Variants in ZC4H2 observed in about 807,000 individuals in gnomAD.
The protein encoded by ZC4H2 is zinc finger C4H2-type containing, also known as zinc finger C4H2 domain-containing protein.
For missense variants in ZC4H2, 137 were observed against 173.9 expected (o/e 0.79, Z 1.19); for synonymous variants, 84 against 66.3 (o/e 1.27, Z -1.30).
chrX:65,009,278 GA>G, intron 1 of ZC4H2, among the ~76,000 whole-genome samples: 1 of 111,553 alleles, frequency 9.0e-6, no homozygotes, highest in Admixed American at 9.5e-5. Flanking sequence ...AGTGCAGGGA[GA>G]ATGGGTAGCT....
chrX:65,008,945 A>G (rs1324414799), intron 1 of ZC4H2, among the ~76,000 whole-genome samples: 1 of 111,545 alleles, frequency 9.0e-6, no homozygotes, highest in Non-Finnish European at 1.9e-5. Context: ...CTATATCTCA[A>G]TATAACTAAA....
chrX:64,989,212 G>A (rs1157716911), intron 1 of ZC4H2, among the ~76,000 whole-genome samples: 1 of 111,573 alleles, frequency 9.0e-6, no homozygotes, highest in Admixed American at 9.5e-5. Context: ...GCTCTTCTTT[G>A]GTTCCATATG....
chrX:64,978,305 A>G (rs1932009208), upstream of ZC4H2, among the ~76,000 whole-genome samples: 1 of 111,994 alleles, frequency 8.9e-6, no homozygotes, highest in Non-Finnish European at 1.9e-5. Flanking sequence ...TTTGGATCCA[A>G]GATGTAATAA....
At chrX:64,964,409 C>G (rs1427976125) in intron 1 of ZC4H2, among the ~76,000 whole-genome samples, 2 of 111,034 alleles carry the variant, frequency 1.8e-5, no homozygotes, top group African/African-American at 6.5e-5. Flanking sequence ...TCACACCAAG[C>G]TATATCATAA....
chrX:65,001,897 C>T (rs978072743), intron 1 of ZC4H2, among the ~76,000 whole-genome samples: 1 of 111,574 alleles, frequency 9.0e-6, no homozygotes, highest in African/African-American at 3.3e-5. Flanking sequence ...GCTAACTATC[C>T]TAAATATATA....
At chrX:64,925,690 G>T (rs1479919443) in intron 1 of ZC4H2, among the ~76,000 whole-genome samples, 2 of 112,022 alleles carry the variant, frequency 1.8e-5, no homozygotes, top group Non-Finnish European at 3.8e-5. Context: ...TTGGGCAAGA[G>T]ACATTAATGC....
At chrX:65,003,704 C>G (rs5964894) in intron 1 of ZC4H2, among the ~76,000 whole-genome samples, 1 of 109,431 alleles carries the variant, frequency 9.1e-6, no homozygotes, top group Non-Finnish European at 1.9e-5. Context: ...GGCGAAACCC[C>G]GTCTCTATTA....
intron 1 of ZC4H2, among the ~76,000 whole-genome samples, chrX:64,937,597 T>G (rs750966737): frequency 1.3e-4 from 15 of 111,761 alleles, no homozygotes; most frequent in Admixed American, 1.3e-3. Context: ...CAGACCACAG[T>G]GCAATTAAAT....
intron 1 of ZC4H2, among the ~76,000 whole-genome samples, chrX:64,992,049 G>A (rs1207006527): frequency 9.0e-6 from 1 of 111,325 alleles, no homozygotes; most frequent in Admixed American, 9.6e-5. Context: ...TTCTTAATGG[G>A]TATGAGGTAT....
chrX:64,948,153 C>A (rs1930628347), intron 1 of ZC4H2, among the ~76,000 whole-genome samples: 1 of 110,889 alleles, frequency 9.0e-6, no homozygotes, highest in African/African-American at 3.3e-5. Flanking sequence ...GGTTTTGGAG[C>A]TTCATGGATT....
At chrX:64,918,000 TCAG>T (rs750302382) in intron 4 of ZC4H2, 104 bp from the exon 5 acceptor site, 1 of 957,760 alleles carries the variant, frequency 1.0e-6, no homozygotes, top group East Asian at 3.4e-5. Flanking sequence ...TGATTTCCCA[TCAG>T]AAGAGAGCAA....
chrX:65,031,710 A>G (rs1250265329), intron 1 of ZC4H2, among the ~76,000 whole-genome samples: 1 of 112,076 alleles, frequency 8.9e-6, no homozygotes, highest in African/African-American at 3.2e-5. Context: ...TATAATGCAC[A>G]CATATTTCCA....
chrX:64,999,037 GTGT>G (rs1932474924), intron 1 of ZC4H2, among the ~76,000 whole-genome samples: 1 of 12,565 alleles, frequency 8.0e-5, no homozygotes, highest in Non-Finnish European at 1.5e-4. Context: ...GTTGGATTAT[GTGT>G]TTTTTTTTTT....
intron 1 of ZC4H2, among the ~76,000 whole-genome samples, chrX:64,954,029 G>A (rs982243989): frequency 2.8e-5 from 3 of 108,414 alleles, no homozygotes; most frequent in Non-Finnish European, 5.7e-5. Flanking sequence ...GGACATGGAT[G>A]AAGCTGGAAA....
chrX:64,968,452 C>T (rs1304599637), intron 1 of ZC4H2, among the ~76,000 whole-genome samples: 2 of 111,354 alleles, frequency 1.8e-5, no homozygotes, highest in South Asian at 3.8e-4. Context: ...TGAAATAGTG[C>T]ACTTCATGGA....
At chrX:65,023,584 G>A (rs1932853069) in intron 1 of ZC4H2, among the ~76,000 whole-genome samples, 1 of 111,873 alleles carries the variant, frequency 8.9e-6, no homozygotes, top group African/African-American at 3.3e-5. Context: ...TTAGAATGGT[G>A]ATGATTAAAA....
At chrX:64,939,265 A>G (rs765802479) in intron 1 of ZC4H2, among the ~76,000 whole-genome samples, 4 of 112,129 alleles carry the variant, frequency 3.6e-5, no homozygotes, top group African/African-American at 1.3e-4. Context: ...AGAACTTCAA[A>G]CCACTGCTCA....
chrX:64,995,659 C>CT (rs1231997418), intron 1 of ZC4H2, among the ~76,000 whole-genome samples: 1 of 112,356 alleles, frequency 8.9e-6, no homozygotes, highest in African/African-American at 3.2e-5. Context: ...CACATCAGGC[C>CT]TTAGGTACAC....
At chrX:65,016,120 C>T (rs961735401) in intron 1 of ZC4H2, among the ~76,000 whole-genome samples, 18 of 111,600 alleles carry the variant, frequency 1.6e-4, no homozygotes, top group African/African-American at 5.2e-4. Flanking sequence ...CTGTTAATTG[C>T]CTTCCTAATA....
Sources: allele counts gnomAD v4.1 joint callset (sites outside exome capture counted in the v4.1 genomes callset), GRCh38; gene constraint gnomAD v4.1.1; transcripts MANE v1.5; gene names NCBI Gene and HGNC (gene_info 2026-07-23, HGNC 2026-07-21).